SMCO4: variants seen among roughly 807,000 people sequenced by gnomAD.
The protein encoded by SMCO4 is single-pass membrane protein with coiled-coil domains 4.
SMCO4 carries 4 observed loss-of-function variants against 3.6 expected under a neutral mutation model. The ratio of observed to expected loss-of-function variants is 1.11; its 90% CI spans 0.54 to 2.53. SMCO4 has a LOEUF of 2.53. Ranked by LOEUF, SMCO4 falls within the 30% of genes most tolerant of loss-of-function variation. SMCO4 has a pLI of 0.02. For missense variants in SMCO4, 70 were observed against 80.8 expected (o/e 0.87, Z 0.51); for synonymous variants, 36 against 35.3 (o/e 1.02, Z -0.07).
upstream of SMCO4, among the ~76,000 whole-genome samples, chr11:93,545,447 C>T (rs150104835): frequency 7.2e-4 from 109 of 151,974 alleles, 1 homozygote; most frequent in East Asian, 0.011. Flanking sequence ...ACTAGCTGGG[C>T]GTGGTGGCAG....
chr11:93,534,394 A>G (rs1949199254), intron 1 of SMCO4, among the ~76,000 whole-genome samples: 2 of 149,866 alleles, frequency 1.3e-5, no homozygotes, highest in African/African-American at 4.9e-5. Flanking sequence ...AGAGAGAGAG[A>G]GATACATATA....
intron 1 of SMCO4, among the ~76,000 whole-genome samples, chr11:93,517,319 GGTT>G (rs1261179205): frequency 6.6e-6 from 1 of 152,084 alleles, no homozygotes; most frequent in African/African-American, 2.4e-5. Flanking sequence ...TAATCCAATT[GGTT>G]TTTTCTTCTT....
intron 1 of SMCO4, among the ~76,000 whole-genome samples, chr11:93,524,033 CA>C (rs1209937313): frequency 1.3e-5 from 2 of 152,276 alleles, no homozygotes; most frequent in Non-Finnish European, 2.9e-5. Context: ...TAATGCCCTT[CA>C]GGGGAGGGGA....
chr11:93,535,892 G>C, intron 1 of SMCO4: 1 of 1,598,206 alleles, frequency 6.3e-7, no homozygotes, highest in Non-Finnish European at 8.5e-7. Flanking sequence ...CACATAGCTA[G>C]GTTTCTGGTT....
chr11:93,551,344 C>T, the SMCO4 span, among the ~76,000 whole-genome samples: 272 of 152,240 alleles, frequency 1.8e-3, 2 homozygotes, highest in African/African-American at 5.8e-3. Context: ...CAGTGAGGAA[C>T]CTCCTGGGGA....
rs894774582 is a variant in SMCO4 at position 93,492,892 on chromosome 11, T to C, written c.-81+6384A>G. 2.6e-5 allele frequency among the ~76,000 whole-genome samples: 4 copies of C among 152,286 alleles called. No individual in the cohort carries two copies. The South Asian group carries it at 6.2e-4, about 24-fold the overall frequency. The stretch of plus-strand genomic sequence containing the variant: ...GACCTTTGATTCCTGACAAAATTCA[T>C]ATATTTTGCAAAAGAAAGGCAGTAA... On this transcript the variant is annotated intron_variant, in intron 2 of 2. Coordinates refer to ENST00000298966, the MANE Select transcript of SMCO4 (RefSeq NM_020179.3).
At chr11:93,535,434 G>A (rs980956868) in intron 1 of SMCO4, 30 of 1,293,910 alleles carry the variant, frequency 2.3e-5, no homozygotes, top group Non-Finnish European at 2.9e-5. Context: ...ACTGCTAGGG[G>A]CTTAAGCAGA....
At chr11:93,514,944 G>A (rs1172763055) in intron 1 of SMCO4, among the ~76,000 whole-genome samples, 1 of 152,108 alleles carries the variant, frequency 6.6e-6, no homozygotes, top group East Asian at 1.9e-4. Context: ...TAGATAAGTG[G>A]CATTCAACAC....
At chr11:93,531,433 T>C (rs569785037) in intron 1 of SMCO4, among the ~76,000 whole-genome samples, 65 of 152,236 alleles carry the variant, frequency 4.3e-4, no homozygotes, top group African/African-American at 1.4e-3. Context: ...GCCTCAGTAC[T>C]TGGATTGGAA....
At chr11:93,531,773 G>A (rs946129219) in intron 1 of SMCO4, among the ~76,000 whole-genome samples, 2 of 152,102 alleles carry the variant, frequency 1.3e-5, no homozygotes, top group Non-Finnish European at 2.9e-5. Context: ...TAAGCTAAAG[G>A]GAAAAGTCAA....
intron 1 of SMCO4, among the ~76,000 whole-genome samples, chr11:93,533,405 T>C (rs1949181568): frequency 6.6e-6 from 1 of 152,302 alleles, no homozygotes; most frequent in Admixed American, 6.5e-5. Context: ...CATGTCTCTT[T>C]CCTGCATCTG....
chr11:93,480,888 A>C (rs1476294333), intron 2 of SMCO4, among the ~76,000 whole-genome samples: 1 of 152,252 alleles, frequency 6.6e-6, no homozygotes, highest in African/African-American at 2.4e-5. Context: ...ATCATTCAAA[A>C]TCAGGCAGAG....
intron 1 of SMCO4, among the ~76,000 whole-genome samples, chr11:93,507,429 T>C (rs1030140471): frequency 6.6e-6 from 1 of 152,178 alleles, no homozygotes; most frequent in East Asian, 1.9e-4. Context: ...AAAACCTGTA[T>C]CCAGTATTTT....
intron 2 of SMCO4, among the ~76,000 whole-genome samples, chr11:93,496,496 A>G (rs1948773988): frequency 6.6e-6 from 1 of 152,186 alleles, no homozygotes; most frequent in African/African-American, 2.4e-5. Context: ...TGAGGTGCCC[A>G]TGAGATACCA....
At position 93,480,931 on chromosome 11, in the gene SMCO4, T is replaced by C. The variant is rs79313598; in HGVS notation, c.-80-1662A>G. Among the ~76,000 whole-genome samples, 859 of 152,326 alleles carry C rather than the reference T, an allele frequency of 5.6e-3. 11 individuals carry two copies. The highest frequency in any genetic ancestry group is 0.02 in the African/African-American group (830 of 41,570). ...AGGTATGAGATGACAAATATTATTG[T>C]GCTAGGATGGCATAATGCCAATCAA... On this transcript the variant is annotated intron_variant, in intron 2 of 2. Transcript: ENST00000298966.
At chr11:93,534,572 G>T (rs1371643415) in intron 1 of SMCO4, among the ~76,000 whole-genome samples, 1 of 152,122 alleles carries the variant, frequency 6.6e-6, no homozygotes, top group Non-Finnish European at 1.5e-5. Context: ...TGAGGCCCAG[G>T]GAGATAAAAT....
Position 93,479,232 on chromosome 11 carries a change from A to G in SMCO4, c.-43T>C. 1 of 1,592,142 alleles carries G rather than the reference A, an allele frequency of 6.3e-7. No homozygotes were observed. Among genetic ancestry groups the G allele is most frequent in the South Asian group, 1.1e-5 (1 of 88,036 alleles). On this transcript the variant is annotated 5_prime_UTR_variant, in exon 3 of 3. Transcript: ENST00000298966. ...AGGAGGGTGTGTCCAGAGGGATTCC[A>G]GGAAGGGCCACACTCCTCTTGCCAA...
At chr11:93,498,770 A>T (rs1948804332) in intron 2 of SMCO4, among the ~76,000 whole-genome samples, 1 of 152,206 alleles carries the variant, frequency 6.6e-6, no homozygotes, top group Non-Finnish European at 1.5e-5. Context: ...TGGTGGGGGT[A>T]CAATGTGGGT....
Position 93,499,158 on chromosome 11 carries a change from C to T in SMCO4, c.-81+118G>A, listed in dbSNP as rs1294836681. Reference sequence around the variant, plus strand: ...AAAGATCTTGAGGGATGAAGAGGAACTTGGCCAGGCAGAGAGAAGGGGTAA... The same window carrying T: ...AAAGATCTTGAGGGATGAAGAGGAATTTGGCCAGGCAGAGAGAAGGGGTAA... On this transcript the variant is annotated intron_variant, in intron 2 of 2. Transcript: ENST00000298966. 2.0e-5 allele frequency: 3 copies of T among 152,150 alleles called. 1 individual carries two copies. Among genetic ancestry groups the T allele is most frequent in the African/African-American group, 7.2e-5 (3 of 41,428 alleles). 9.4% of individuals were successfully genotyped at this position (152,150 alleles called of 1,614,324 possible). A position where few individuals can be genotyped will look rare whatever the true frequency, so the allele number is the denominator to read the frequency against.
Sources: gnomAD v4.1 joint callset for allele counts (sites outside exome capture counted in the v4.1 genomes callset) on GRCh38, gnomAD v4.1.1 for gene constraint, MANE v1.5 for transcripts, NCBI Gene and HGNC (gene_info 2026-07-23, HGNC 2026-07-21) for gene names.